PHACTR1: variants seen among roughly 807,000 people sequenced by gnomAD.
PHACTR1 encodes the protein phosphatase and actin regulator 1.
PHACTR1 carries 16 observed loss-of-function variants against 69.2 expected under a neutral mutation model. The observed-to-expected ratio is 0.23, with a 90% CI of 0.16 to 0.35. PHACTR1 has a LOEUF of 0.35. Among genes scored for constraint, PHACTR1 ranks in the 10% least tolerant of loss-of-function variants. The probability of loss-of-function intolerance (pLI) is 1.00; values close to 1 mark genes in which losing one functional copy is unlikely to be tolerated. For synonymous variants in PHACTR1, 312 were observed against 284.5 expected, an observed-to-expected ratio of 1.10 and a Z score of -0.97; for missense variants, 510 against 734.7, an observed-to-expected ratio of 0.69 and a Z score of 3.54.
chr6:12,883,476 A>T (rs1403340079), intron 4 of PHACTR1, among the ~76,000 whole-genome samples: 1 of 151,192 alleles, frequency 6.6e-6, no homozygotes, highest in Non-Finnish European at 1.5e-5. Flanking sequence ...TGGGCTCCCA[A>T]AGCGCTAGGA....
intron 8 of PHACTR1, among the ~76,000 whole-genome samples, chr6:13,226,322 T>A (rs963070322): frequency 6.6e-6 from 1 of 152,240 alleles, no homozygotes; most frequent in African/African-American, 2.4e-5. Flanking sequence ...ATAGCAATAA[T>A]TTAAAGCGTA....
chr6:13,204,116 C>T (rs950327411), intron 7 of PHACTR1, among the ~76,000 whole-genome samples: 13 of 152,084 alleles, frequency 8.5e-5, no homozygotes, highest in Non-Finnish European at 1.6e-4. Flanking sequence ...CCAGAGCAGA[C>T]TTTATAGAGG....
At chr6:13,091,339 G>GT (rs1327446169) in intron 5 of PHACTR1, among the ~76,000 whole-genome samples, 9 of 151,868 alleles carry the variant, frequency 5.9e-5, no homozygotes, top group African/African-American at 2.2e-4. Context: ...GTTGAGTAAC[G>GT]TCCCCAAGAT....
chr6:12,728,329 G>T (rs563555195), intron 3 of PHACTR1, among the ~76,000 whole-genome samples: 292 of 151,968 alleles, frequency 1.9e-3, no homozygotes, highest in African/African-American at 6.8e-3. Context: ...AAAAAATCAA[G>T]AAGAATAAAA....
intron 4 of PHACTR1, among the ~76,000 whole-genome samples, chr6:12,945,041 C>T (rs919867152): frequency 6.6e-6 from 1 of 152,154 alleles, no homozygotes; most frequent in Non-Finnish European, 1.5e-5. Context: ...CTCGGCCTCC[C>T]AAAGTGCTGG....
chr6:13,196,620 C>T (rs1030820133), intron 7 of PHACTR1: 8 of 153,854 alleles, frequency 5.2e-5, no homozygotes, highest in Middle Eastern at 3.4e-3. Flanking sequence ...AGGGTTTCAC[C>T]ATGTTGGTCA....
Position 13,283,651 on chromosome 6 carries a change from T to G in PHACTR1, c.1650+89T>G. On this transcript the variant is annotated intron_variant, in intron 13 of 14. Transcript: ENST00000332995. This position sits in a 1 kb window ranked among gnomAD's most constrained non-coding sequence, Gnocchi z 4.7. ...CCGCTGGGGAGCGTGTAGGGAGACC[T>G]GCAGCCAGGCCTCAGCCGCAGTCCC... 6.3e-7 allele frequency: 1 copy of G among 1,593,000 alleles called. No homozygotes were observed. Among genetic ancestry groups the G allele is most frequent in the South Asian group, 1.1e-5 (1 of 90,248 alleles).
Position 13,284,547 on chromosome 6 carries a change from T to A in PHACTR1, c.1650+985T>A, listed in dbSNP as rs1381776258. Among the ~76,000 whole-genome samples, 638 of 76,410 alleles carry A rather than the reference T, an allele frequency of 8.3e-3. 12 individuals are homozygous for A. Among genetic ancestry groups the A allele is most frequent in the African/African-American group, 0.036 (451 of 12,548 alleles). The allele number at this position is 76,410 out of a possible 152,430, so 50.1% of individuals were successfully genotyped here. On this transcript the variant is annotated intron_variant, in intron 13 of 14. Coordinates refer to ENST00000332995, the MANE Select transcript of PHACTR1 (RefSeq NM_030948.6). Reference sequence around the variant, plus strand: ...AAAAAAAAAAAAAAAAAAAAAAATATATATATATATATATATATATATAGA... The same window carrying A: ...AAAAAAAAAAAAAAAAAAAAAAATAAATATATATATATATATATATATAGA...
At chr6:13,116,896 C>G (rs983767469) in intron 5 of PHACTR1, among the ~76,000 whole-genome samples, 1 of 152,120 alleles carries the variant, frequency 6.6e-6, no homozygotes, top group African/African-American at 2.4e-5. Context: ...ATTACTTGTC[C>G]CAAGTGACAC....
chr6:12,812,101 A>G (rs1036227130), intron 4 of PHACTR1, among the ~76,000 whole-genome samples: 1 of 152,156 alleles, frequency 6.6e-6, no homozygotes, highest in Non-Finnish European at 1.5e-5. Context: ...ATCTAGTCCC[A>G]AAATGTTTTC....
At chr6:13,113,721 G>A (rs927519487) in intron 5 of PHACTR1, among the ~76,000 whole-genome samples, 7 of 152,070 alleles carry the variant, frequency 4.6e-5, no homozygotes, top group Admixed American at 6.6e-5. Flanking sequence ...CCAGCTAATC[G>A]GGCTTCTATC....
At chr6:13,095,584 A>G (rs753673250) in intron 5 of PHACTR1, among the ~76,000 whole-genome samples, 15 of 152,142 alleles carry the variant, frequency 9.9e-5, no homozygotes, top group Non-Finnish European at 2.2e-4. Flanking sequence ...TGGCATGCCT[A>G]AATAGGAATA....
At chr6:13,025,241 C>A (rs1315148102) in intron 4 of PHACTR1, among the ~76,000 whole-genome samples, 1 of 151,970 alleles carries the variant, frequency 6.6e-6, no homozygotes, top group Non-Finnish European at 1.5e-5. Context: ...GGTGACAGAG[C>A]AACACTCCGT....
chr6:12,791,970 G>T (rs186167939), intron 4 of PHACTR1, among the ~76,000 whole-genome samples: 24 of 152,280 alleles, frequency 1.6e-4, no homozygotes, highest in African/African-American at 4.6e-4. Flanking sequence ...GGGATATAAA[G>T]TAATGGGTGA....
chr6:12,789,724 C>G (rs1390002938), intron 4 of PHACTR1, among the ~76,000 whole-genome samples: 1 of 151,690 alleles, frequency 6.6e-6, no homozygotes, highest in African/African-American at 2.4e-5. Flanking sequence ...TGGAATCTTT[C>G]CCTACTATTC....
intron 4 of PHACTR1, among the ~76,000 whole-genome samples, chr6:12,989,634 G>A (rs1796587428): frequency 6.6e-6 from 1 of 152,168 alleles, no homozygotes; most frequent in African/African-American, 2.4e-5. Context: ...GGTGACAAAG[G>A]ATTGAGAAGA....
At chr6:13,138,789 G>T (rs1019314053) in intron 5 of PHACTR1, among the ~76,000 whole-genome samples, 1 of 152,168 alleles carries the variant, frequency 6.6e-6, no homozygotes, top group African/African-American at 2.4e-5. Flanking sequence ...TGGAGCCTTC[G>T]ATTGTATGTT....
chr6:12,882,150 T>G (rs1336462752), intron 4 of PHACTR1, among the ~76,000 whole-genome samples: 8 of 152,134 alleles, frequency 5.3e-5, no homozygotes, highest in Admixed American at 5.2e-4. Flanking sequence ...CAGGTGCTAC[T>G]ACCCACCTAT....
At chr6:12,747,807 G>T (rs1765998446) in intron 3 of PHACTR1, among the ~76,000 whole-genome samples, 1 of 152,108 alleles carries the variant, frequency 6.6e-6, no homozygotes, top group Non-Finnish European at 1.5e-5. Flanking sequence ...AAATGAGCCA[G>T]ATTTGTTGGG....
Sources: allele counts gnomAD v4.1 joint callset (sites outside exome capture counted in the v4.1 genomes callset), GRCh38; gene constraint gnomAD v4.1.1; non-coding constraint Gnocchi (gnomAD v3.1); transcripts MANE v1.5; gene names NCBI Gene and HGNC (gene_info 2026-07-23, HGNC 2026-07-21).